The following H3C4 variants were observed in gnomAD, a reference collection of about 807,000 sequenced individuals.
The protein encoded by H3C4 is histone H3.1.
In H3C4, 10 loss-of-function variants were observed where a neutral mutation model predicts 8.7. The ratio of observed to expected loss-of-function variants is 1.15; its 90% CI spans 0.71 to 1.96. The LOEUF is 1.96. H3C4 is among the 30% of genes most tolerant of loss of function. The pLI, the probability that H3C4 is intolerant of heterozygous loss-of-function variation, is 0.00. For missense variants in H3C4, 216 were observed against 192.9 expected (o/e 1.12, Z -0.71); for synonymous variants, 141 against 80.1 (o/e 1.76, Z -4.06).
At chr6:26,198,899 T>C (rs1765053321), upstream of H3C4, 1 of 1,614,136 alleles carries the variant, frequency 6.2e-7, no homozygotes, top group Non-Finnish European at 8.5e-7. Flanking sequence ...TGGGGAGCAG[T>C]ACAGCCTGGA....
At chr6:26,198,828 A>C, upstream of H3C4, 1 of 1,602,780 alleles carries the variant, frequency 6.2e-7, no homozygotes, top group African/African-American at 1.4e-5. Context: ...CTTCCTTAAA[A>C]AGCCAATATA....
upstream of H3C4, chr6:26,199,191 C>A: frequency 6.2e-7 from 1 of 1,613,886 alleles, no homozygotes; most frequent in Non-Finnish European, 8.5e-7. Flanking sequence ...CCGCGAAGAG[C>A]GGGTCTTAGC....
upstream of H3C4, chr6:26,199,230 C>CA: frequency 1.9e-6 from 3 of 1,602,800 alleles, no homozygotes; most frequent in South Asian, 3.4e-5. Context: ...GCCTTGCTTG[C>CA]CGCGTCCGGA....
At chr6:26,198,814 A>C (rs780806744), upstream of H3C4, 12 of 1,598,738 alleles carry the variant, frequency 7.5e-6, no homozygotes, top group Non-Finnish European at 1.0e-5. Flanking sequence ...CTTTGTTAAG[A>C]CTGCTTCCTT....
chr6:26,197,797 A>C (rs1316351355), upstream of H3C4, among the ~76,000 whole-genome samples: 1 of 143,628 alleles, frequency 7.0e-6, no homozygotes, highest in Non-Finnish European at 1.5e-5. Flanking sequence ...ACATGAACAC[A>C]TTTAATTTCA....
upstream of H3C4, chr6:26,199,238 G>C: frequency 1.9e-6 from 3 of 1,594,814 alleles, no homozygotes; most frequent in Non-Finnish European, 2.6e-6. Context: ...TGCCGCGTCC[G>C]GACATTTTGA....
At chr6:26,197,286 CG>C (rs780995468), upstream of H3C4, 3 of 1,589,116 alleles carry the variant, frequency 1.9e-6, no homozygotes, top group East Asian at 2.2e-5. Flanking sequence ...GACGAAAAAA[CG>C]AAAGTCTAGC....
chr6:26,196,850 T>TC lies in H3C4; in HGVS notation c.400dup (p.Glu134GlyfsTer12). 6.2e-7 allele frequency: 1 copy of TC among 1,614,190 alleles called. No homozygotes were observed. The highest frequency in any genetic ancestry group is 8.5e-7 in the Non-Finnish European group (1 of 1,180,030). On this transcript the variant is annotated frameshift_variant, in exon 1 of 1. Coordinates refer to ENST00000356476, the MANE Select transcript of H3C4 (RefSeq NM_001376937.1). LOFTEE classifies it high-confidence loss of function. ...CATTCACAAGACAATTTACGCCCTCTCCCCACGAATGCGGCGAGCAAGCTG... is the reference window on the plus strand; with the variant it reads ...CATTCACAAGACAATTTACGCCCTCTCCCCCACGAATGCGGCGAGCAAGCTG...
upstream of H3C4, chr6:26,199,251 T>C (rs1389805157): frequency 6.3e-7 from 1 of 1,591,974 alleles, no homozygotes; most frequent in Non-Finnish European, 8.5e-7. Context: ...CATTTTGAAT[T>C]CTTAAAAACG....
chr6:26,196,800 G>C lies in H3C4; in HGVS notation c.*40C>G, dbSNP rs370673933. On this transcript the variant is annotated 3_prime_UTR_variant, in exon 1 of 1. Transcript: ENST00000356476. The stretch of plus-strand genomic sequence containing the variant: ...TAGAAAAGGTGGTTGGCTCTGAAAA[G>C]AGCCTTTGGGTTTTGGTTAGCACAC... The C allele has an allele frequency of 2.7e-5, 44 of 1,608,758 alleles. No individual in the cohort carries two copies. Among genetic ancestry groups the C allele is most frequent in the Non-Finnish European group, 3.7e-5 (43 of 1,177,664 alleles).
upstream of H3C4, chr6:26,199,267 A>G: frequency 2.5e-6 from 4 of 1,582,542 alleles, no homozygotes; most frequent in Non-Finnish European, 8.5e-7. Context: ...AAACGATGTT[A>G]AGCAATGAAG....
upstream of H3C4, among the ~76,000 whole-genome samples, chr6:26,197,617 C>G (rs1760125289): frequency 6.6e-6 from 1 of 151,830 alleles, no homozygotes; most frequent in South Asian, 2.1e-4. Context: ...TAAAAAGACG[C>G]GCGCTAGTTG....
chr6:26,198,949 C>A, upstream of H3C4: 1 of 1,614,214 alleles, frequency 6.2e-7, no homozygotes, highest in South Asian at 1.1e-5. Context: ...GTGACTTTAC[C>A]CAGCAACTTG....
rs770842010 is a variant in H3C4, at chr6:26,197,134, G to C, written c.117C>G (p.Pro39=). Reference sequence around the variant, plus strand: ...CCACCGTGCCGGGCCGGTAACGGTGGGGCTTCTTCACGCCGCCGGTGGCTG... The same window carrying C: ...CCACCGTGCCGGGCCGGTAACGGTGCGGCTTCTTCACGCCGCCGGTGGCTG... ...SAPATGGVKK[P]HRYRPGTVAL... is the part of the protein sequence containing the mutation. Residue 39 remains proline (P), a synonymous_variant, in exon 1 of 1, where the codon CCC becomes CCG. Transcript: ENST00000356476. The C allele has an allele frequency of 1.7e-5, 27 of 1,614,054 alleles. No individual in the cohort carries two copies. Among genetic ancestry groups the C allele is most frequent in the Non-Finnish European group, 2.3e-5 (27 of 1,180,030 alleles).
chr6:26,198,334 T>G (rs143798818), upstream of H3C4, among the ~76,000 whole-genome samples: 1,054 of 152,344 alleles, frequency 6.9e-3, 11 homozygotes, highest in African/African-American at 0.024. Context: ...TTTGCTTTTT[T>G]GGGTTTTTGT....
At chr6:26,197,316 T>C, upstream of H3C4, 1 of 1,536,734 alleles carries the variant, frequency 6.5e-7, no homozygotes, top group Non-Finnish European at 8.8e-7. Flanking sequence ...CCCGTATATA[T>C]AAAGACACCC....
At chr6:26,198,735 T>A, upstream of H3C4, 1 of 1,025,236 alleles carries the variant, frequency 9.8e-7, no homozygotes, top group South Asian at 1.6e-5. Context: ...TAAAGAAAAC[T>A]GCAAAATAGC....
upstream of H3C4, chr6:26,198,713 T>G: frequency 1.2e-6 from 1 of 802,218 alleles, no homozygotes; most frequent in Non-Finnish European, 1.9e-6. Context: ...CACTTATAAA[T>G]GGAAAAATTA....
chr6:26,197,177 G>C lies in H3C4; in HGVS notation c.74C>G (p.Ala25Gly). 1 of 1,614,160 alleles carries C rather than the reference G, an allele frequency of 6.2e-7. No homozygotes were observed. The highest frequency in any genetic ancestry group is 1.1e-5 in the South Asian group (1 of 91,090). ...KAPRKQLATK[A>G]ARKSAPATGG... ...GGTGGCTGGAGCGCTCTTTCGAGCA[G>C]CCTTGGTGGCCAGCTGCTTGCGTGG... The change falls in exon 1 of 1, where the codon GCT becomes GGT. Residue 25 changes from alanine (A) to glycine (G), a missense_variant. Transcript: ENST00000356476.
Sources: allele counts gnomAD v4.1 joint callset (sites outside exome capture counted in the v4.1 genomes callset), GRCh38; gene constraint gnomAD v4.1.1; transcripts MANE v1.5; gene names NCBI Gene and HGNC (gene_info 2026-07-23, HGNC 2026-07-21).